CCDC146: variants seen among roughly 807,000 people sequenced by gnomAD.
CCDC146 encodes coiled-coil domain containing 146.
In CCDC146, 92 loss-of-function variants were observed where a neutral mutation model predicts 119.3. That is an observed-to-expected ratio of 0.77 (90% CI 0.65 to 0.92). CCDC146 has a LOEUF of 0.92. Ranked by LOEUF, CCDC146 falls within the 40% of genes least tolerant of loss-of-function variation. The pLI is 0.00. For missense variants in CCDC146, 1,000 were observed against 1,103.0 expected, an observed-to-expected ratio of 0.91 and a Z score of 1.32; for synonymous variants, 372 against 371.8, an observed-to-expected ratio of 1.00 and a Z score of -0.01.
At chr7:77,236,298 T>C (rs1243417281) in intron 2 of CCDC146, among the ~76,000 whole-genome samples, 2 of 152,156 alleles carry the variant, frequency 1.3e-5, no homozygotes, top group Non-Finnish European at 2.9e-5. Context: ...TCATTTTAAC[T>C]AGAAATAAAA....
Position 77,132,058 on chromosome 7 carries a change from T to C in CCDC146, c.-12+9326T>C, listed in dbSNP as rs540335376. ...AAGAGTAATTTTTACTCTATGTAAA[T>C]TTAAAAGTGAATTTCAAAAAATCAT... On this transcript the variant is annotated intron_variant, in intron 1 of 18. Coordinates refer to ENST00000285871, the MANE Select transcript of CCDC146 (RefSeq NM_020879.3). 2.1e-3 allele frequency among the ~76,000 whole-genome samples: 317 copies of C among 152,226 alleles called. 2 individuals are homozygous for C. The highest frequency in any genetic ancestry group is 3.5e-3 in the Non-Finnish European group (235 of 68,014).
At chr7:77,212,620 C>CAAAAA (rs11449217) in intron 2 of CCDC146, among the ~76,000 whole-genome samples, 3 of 80,972 alleles carry the variant, frequency 3.7e-5, no homozygotes, top group Non-Finnish European at 7.3e-5. Context: ...GACTCCGTCT[C>CAAAAA]AAAAAAAAAA....
chr7:77,147,442 G>A (rs984373786), intron 1 of CCDC146, among the ~76,000 whole-genome samples: 13 of 152,266 alleles, frequency 8.5e-5, no homozygotes, highest in African/African-American at 1.9e-4. Context: ...GCTTTGTTCC[G>A]TTCCTGGCGA....
intron 17 of CCDC146, among the ~76,000 whole-genome samples, chr7:77,291,126 G>A (rs773219983): frequency 6.6e-6 from 1 of 152,160 alleles, no homozygotes; most frequent in African/African-American, 2.4e-5. Context: ...ATTCTTATGG[G>A]ATGACAAAAA....
At chr7:77,283,824 T>G (rs1467299094) in intron 15 of CCDC146, among the ~76,000 whole-genome samples, 1 of 152,200 alleles carries the variant, frequency 6.6e-6, no homozygotes, top group Non-Finnish European at 1.5e-5. Context: ...CATTTGAATG[T>G]GTATATGCTG....
At chr7:77,145,271 T>C (rs1318139070) in intron 1 of CCDC146, among the ~76,000 whole-genome samples, 2 of 151,936 alleles carry the variant, frequency 1.3e-5, no homozygotes, top group South Asian at 4.1e-4. Context: ...ATATCCCCTT[T>C]ATCATTTTTT....
intron 2 of CCDC146, among the ~76,000 whole-genome samples, chr7:77,204,186 T>C (rs1460659904): frequency 6.6e-6 from 1 of 152,224 alleles, no homozygotes; most frequent in Non-Finnish European, 1.5e-5. Context: ...AATTGTTCTT[T>C]AAAGAATATG....
At chr7:77,157,439 C>T (rs943169005) in intron 1 of CCDC146, among the ~76,000 whole-genome samples, 2 of 150,496 alleles carry the variant, frequency 1.3e-5, no homozygotes, top group Non-Finnish European at 3.0e-5. Flanking sequence ...TACACATGCT[C>T]CTTGTAACTA....
At chr7:77,145,849 A>G (rs1305250219) in intron 1 of CCDC146, among the ~76,000 whole-genome samples, 5 of 152,100 alleles carry the variant, frequency 3.3e-5, no homozygotes, top group African/African-American at 9.7e-5. Context: ...TAAGTGGTCA[A>G]TTTTGGAATA....
intron 10 of CCDC146, 27 bp from the exon 11 acceptor site, chr7:77,274,452 TATA>T: frequency 7.3e-7 from 1 of 1,363,484 alleles, no homozygotes; most frequent in Non-Finnish European, 1.0e-6. Flanking sequence ...ACAAATAACT[TATA>T]ATATTATCTG....
At chr7:77,201,859 A>G (rs1791996104) in intron 2 of CCDC146, among the ~76,000 whole-genome samples, 1 of 152,210 alleles carries the variant, frequency 6.6e-6, no homozygotes, top group Non-Finnish European at 1.5e-5. Flanking sequence ...TTGGGAGGTA[A>G]GAAATAAATG....
intron 2 of CCDC146, among the ~76,000 whole-genome samples, chr7:77,225,643 G>T (rs1174000051): frequency 8.5e-6 from 1 of 117,726 alleles, no homozygotes; most frequent in African/African-American, 4.0e-5. Context: ...ATGCTAGCCA[G>T]TAAAAAAGAA....
intron 2 of CCDC146, chr7:77,198,458 CTG>C (rs897204691): frequency 4.6e-6 from 1 of 216,328 alleles, no homozygotes; most frequent in Admixed American, 6.5e-5. Context: ...GCGATTAAGT[CTG>C]TGGAATTTCA....
chr7:77,147,202 C>T (rs544001642), intron 1 of CCDC146, among the ~76,000 whole-genome samples: 2 of 152,336 alleles, frequency 1.3e-5, no homozygotes, highest in Admixed American at 1.3e-4. Context: ...TTGATCAAAT[C>T]AGCTACTGAA....
chr7:77,141,044 T>TG (rs768515674), intron 1 of CCDC146, among the ~76,000 whole-genome samples: 29 of 152,244 alleles, frequency 1.9e-4, no homozygotes, highest in Admixed American at 4.6e-4. Context: ...ACATTAGGTA[T>TG]TTCTCCTAAT....
chr7:77,203,136 A>T (rs1584069200), intron 2 of CCDC146, among the ~76,000 whole-genome samples: 1 of 150,826 alleles, frequency 6.6e-6, no homozygotes, highest in East Asian at 2.0e-4. Context: ...GGCACTAGAT[A>T]AGAGGTGAAC....
At chr7:77,242,288 A>T in intron 4 of CCDC146, 1 of 670,254 alleles carries the variant, frequency 1.5e-6, no homozygotes, top group Non-Finnish European at 1.9e-6. Context: ...TTCTCCCCAC[A>T]TGCATTTTCC....
chr7:77,240,367 C>T (rs1055771116), intron 3 of CCDC146, among the ~76,000 whole-genome samples: 4 of 152,230 alleles, frequency 2.6e-5, no homozygotes, highest in African/African-American at 7.2e-5. Flanking sequence ...CCTTATTCAC[C>T]TCTTGCACCT....
chr7:77,251,817 C>T (rs890466605), intron 4 of CCDC146, among the ~76,000 whole-genome samples: 2 of 152,082 alleles, frequency 1.3e-5, no homozygotes, highest in Non-Finnish European at 2.9e-5. Flanking sequence ...TAAAAATTGT[C>T]CAATCTGAAC....
Sources: gnomAD v4.1 joint callset for allele counts (sites outside exome capture counted in the v4.1 genomes callset) on GRCh38, gnomAD v4.1.1 for gene constraint, MANE v1.5 for transcripts, NCBI Gene and HGNC (gene_info 2026-07-23, HGNC 2026-07-21) for gene names.